SYTL2: variants seen among roughly 807,000 people sequenced by gnomAD.
The protein encoded by SYTL2 is synaptotagmin like 2, also known as synaptotagmin-like protein 2.
A neutral mutation model predicts 198.7 loss-of-function variants in SYTL2; 165 were observed. The observed-to-expected ratio is 0.83, with a 90% CI of 0.73 to 0.94. SYTL2 has a LOEUF of 0.94. Ranked by LOEUF, SYTL2 falls within the 40% of genes least tolerant of loss-of-function variation. The pLI is 0.00. For synonymous variants in SYTL2, 966 were observed against 917.7 expected (o/e 1.05, Z -0.95); for missense variants, 2,835 against 2,582.8 (o/e 1.10, Z -2.12).
At chr11:85,801,432 T>C (rs2092885066) in intron 1 of SYTL2, among the ~76,000 whole-genome samples, 1 of 152,210 alleles carries the variant, frequency 6.6e-6, no homozygotes, top group African/African-American at 2.4e-5. Context: ...AGTCCATAAA[T>C]TAGCATATGG....
At chr11:85,772,717 C>G (rs566227859) in intron 1 of SYTL2, among the ~76,000 whole-genome samples, 1 of 152,340 alleles carries the variant, frequency 6.6e-6, no homozygotes, top group South Asian at 2.1e-4. Flanking sequence ...TCAGGCCAGC[C>G]TGAGCTCAGA....
the SYTL2 span, among the ~76,000 whole-genome samples, chr11:85,833,011 A>AAAAGAAAGAAAG: frequency 1.2e-4 from 6 of 48,178 alleles, no homozygotes; most frequent in Admixed American, 2.5e-4. Context: ...AAAAAGAAAG[A>AAAAGAAAGAAAG]AAAGAAAGAA....
In SYTL2 at chr11:85,773,276, A is replaced by C. The variant is rs142391814; in HGVS notation, c.-389-15162T>G. Among the ~76,000 whole-genome samples the C allele has an allele frequency of 3.6e-3, 377 of 105,500 alleles. 2 individuals are homozygous for C. The highest frequency in any genetic ancestry group is 0.013 in the African/African-American group (359 of 27,558). 69.2% of individuals were successfully genotyped at this position (105,500 alleles called of 152,430 possible). On this transcript the variant is annotated intron_variant, in intron 1 of 19. Coordinates refer to ENST00000359152, the MANE Select transcript of SYTL2 (RefSeq NM_206927.4). ...AATTCAAACCACTCAGCGTTACATTAGCCCCTCCAGATCTACACCCTGACT... is the reference window on the plus strand; with the variant it reads ...AATTCAAACCACTCAGCGTTACATTCGCCCCTCCAGATCTACACCCTGACT...
intron 1 of SYTL2, among the ~76,000 whole-genome samples, chr11:85,810,370 G>A (rs1239040689): frequency 6.6e-6 from 1 of 152,148 alleles, no homozygotes; most frequent in African/African-American, 2.4e-5. Flanking sequence ...ATATGCTGGT[G>A]GAGCCCTGTG....
chr11:85,842,571 T>G, the SYTL2 span, among the ~76,000 whole-genome samples: 2 of 152,188 alleles, frequency 1.3e-5, no homozygotes, highest in East Asian at 3.9e-4. Context: ...TACCATAGCT[T>G]TCTAAGACTC....
At chr11:85,703,858 A>AAAAGTTCT (rs1397808111) in intron 16 of SYTL2, among the ~76,000 whole-genome samples, 3 of 152,192 alleles carry the variant, frequency 2.0e-5, no homozygotes, top group African/African-American at 7.2e-5. Context: ...TGAAAGTGGC[A>AAAAGTTCT]AAAGTTCTAA....
At chr11:85,702,458 T>C (rs1046781548) in intron 16 of SYTL2, among the ~76,000 whole-genome samples, 5 of 152,136 alleles carry the variant, frequency 3.3e-5, no homozygotes, top group Non-Finnish European at 5.9e-5. Context: ...GTGCTGGGAT[T>C]AAAGCTGAGA....
At chr11:85,701,479 C>A (rs2084292640) in intron 16 of SYTL2, among the ~76,000 whole-genome samples, 1 of 152,128 alleles carries the variant, frequency 6.6e-6, no homozygotes, top group African/African-American at 2.4e-5. Flanking sequence ...GTATAAGAAA[C>A]CTGCATAAGA....
At chr11:85,780,263 C>T (rs2092536149) in intron 1 of SYTL2, among the ~76,000 whole-genome samples, 1 of 152,206 alleles carries the variant, frequency 6.6e-6, no homozygotes, top group African/African-American at 2.4e-5. Flanking sequence ...AAATGTCTCT[C>T]TGTGATATTG....
rs1404906860 is a variant in SYTL2 at position 85,718,811 on chromosome 11, A to G, written c.5461T>C (p.Leu1821=). ...QAKVDNQPEE[L]VRSAEDDEKP... The stretch of plus-strand genomic sequence containing the variant: ...TTACCATCTTCAGCACTACGCACTA[A>G]TTCTTCTGGCTGATTATCTACTTTT... The change falls in exon 10 of 20, where the codon TTA becomes CTA. Residue 1821 remains leucine (L), a synonymous_variant. Coordinates refer to ENST00000359152, the MANE Select transcript of SYTL2 (RefSeq NM_206927.4). The G allele has an allele frequency of 1.9e-6, 3 of 1,613,820 alleles. No individual in the cohort carries two copies. In the African/African-American group the frequency reaches 4.0e-5, roughly 22 times the overall value.
At chr11:85,757,284 A>AT (rs2091920007) in intron 2 of SYTL2, among the ~76,000 whole-genome samples, 1 of 152,240 alleles carries the variant, frequency 6.6e-6, no homozygotes, top group Non-Finnish European at 1.5e-5. Context: ...GTTAAAAAAA[A>AT]GTAGATCCAG....
At chr11:85,826,910 TC>T in the SYTL2 span, among the ~76,000 whole-genome samples, 2 of 152,206 alleles carry the variant, frequency 1.3e-5, no homozygotes, top group African/African-American at 4.8e-5. Flanking sequence ...TTCTGAAAGT[TC>T]TGTGAAAAAC....
At chr11:85,833,159 GAAAGAAA>G in the SYTL2 span, among the ~76,000 whole-genome samples, 777 of 93,144 alleles carry the variant, frequency 8.3e-3, 87 homozygotes, top group African/African-American at 0.025. Context: ...AGGAAGGAAA[GAAAGAAA>G]GAAAGAAAGA....
chr11:85,735,364 C>T, intron 6 of SYTL2, among the ~76,000 whole-genome samples: 1 of 152,036 alleles, frequency 6.6e-6, no homozygotes, highest in East Asian at 1.9e-4. Context: ...TAAAGAAAAA[C>T]ATAGAAGTCA....
At chr11:85,752,716 C>T (rs989195470) in intron 2 of SYTL2, among the ~76,000 whole-genome samples, 8 of 151,778 alleles carry the variant, frequency 5.3e-5, no homozygotes, top group Non-Finnish European at 7.4e-5. Flanking sequence ...TTCAATCCTG[C>T]GGGGCACTTA....
chr11:85,789,378 G>GTA (rs71036488), intron 1 of SYTL2, among the ~76,000 whole-genome samples: 120 of 23,078 alleles, frequency 5.2e-3, no homozygotes, highest in Non-Finnish European at 8.0e-3. Context: ...ATATATATAT[G>GTA]TATATATATA....
chr11:85,756,329 C>A (rs1325234649), intron 2 of SYTL2, among the ~76,000 whole-genome samples: 1 of 152,170 alleles, frequency 6.6e-6, no homozygotes, highest in Non-Finnish European at 1.5e-5. Context: ...CAGCATGATC[C>A]CCACTACCTA....
the SYTL2 span, among the ~76,000 whole-genome samples, chr11:85,818,656 A>ACTAT: frequency 0.41 from 61,538 of 148,782 alleles, 13,829 homozygotes; most frequent in Non-Finnish European, 0.53. Context: ...TGTATAAATT[A>ACTAT]CTATCTATCT....
chr11:85,733,862 G>A (rs751157380), intron 7 of SYTL2, 77 bp downstream of exon 7: 3 of 1,201,488 alleles, frequency 2.5e-6, no homozygotes, highest in Non-Finnish European at 2.4e-6. Context: ...GCCTCCCAAA[G>A]TGCTGGGATT....
Sources: gnomAD v4.1 joint callset for allele counts (sites outside exome capture counted in the v4.1 genomes callset) on GRCh38, gnomAD v4.1.1 for gene constraint, MANE v1.5 for transcripts, NCBI Gene and HGNC (gene_info 2026-07-23, HGNC 2026-07-21) for gene names.